SELENOO: variants seen among roughly 807,000 people sequenced by gnomAD.
The protein encoded by SELENOO is protein adenylyltransferase SelO, mitochondrial.
Under a neutral mutation model 58.7 loss-of-function variants are expected in SELENOO, and 74 were observed. The ratio of observed to expected loss-of-function variants is 1.26; its 90% CI spans 1.04 to 1.53. The LOEUF (loss-of-function observed/expected upper bound fraction) is 1.53, where lower values mean the gene tolerates loss of function less well. Among genes scored for constraint, SELENOO ranks in the 40% most tolerant of loss-of-function variants. The pLI, the probability that SELENOO is intolerant of heterozygous loss-of-function variation, is 0.00. For missense variants in SELENOO, 1,149 were observed against 970.0 expected (o/e 1.18, Z -2.45); for synonymous variants, 543 against 453.2 (o/e 1.20, Z -2.52).
At chr22:50,213,147 G>A (rs1280624128) in intron 5 of SELENOO, among the ~76,000 whole-genome samples, 3 of 151,924 alleles carry the variant, frequency 2.0e-5, no homozygotes, top group African/African-American at 4.8e-5. Context: ...TGCAACCTCC[G>A]CCTCCCAGGC....
intron 2 of SELENOO, 66 bp downstream of exon 2, chr22:50,206,586 G>A: frequency 7.1e-7 from 1 of 1,402,186 alleles, no homozygotes; most frequent in Non-Finnish European, 9.7e-7. Flanking sequence ...ATTTGGGCCT[G>A]TGCTGCTAGG....
chr22:50,211,814 C>T (rs1336349917), intron 5 of SELENOO, among the ~76,000 whole-genome samples: 1 of 152,208 alleles, frequency 6.6e-6, no homozygotes, highest in Non-Finnish European at 1.5e-5. Flanking sequence ...AGTGATTCTC[C>T]TGCCTCAGTC....
At chr22:50,215,078 C>T (rs1162520073) in intron 5 of SELENOO, among the ~76,000 whole-genome samples, 2 of 152,112 alleles carry the variant, frequency 1.3e-5, no homozygotes, top group African/African-American at 4.8e-5. Context: ...CTTTGACTCC[C>T]TTCTCATTTT....
In SELENOO at chr22:50,201,408, C is replaced by T; in HGVS notation, c.372C>T (p.Phe124=). The T allele has an allele frequency of 7.5e-7, 1 of 1,339,968 alleles. No homozygotes were observed. The allele number at this position is 1,339,968 out of a possible 1,614,324, so 83.0% of individuals were successfully genotyped here. The change falls in exon 1 of 9, where the codon TTC becomes TTT. Residue 124 remains phenylalanine (F), a synonymous_variant. Transcript: ENST00000380903. ...CCGAGGCCGAGGCCGCGCTGTTCTT[C>T]AGCGGCAACGCGCTCCTGCCGGGCG... ...REAEAEAALF[F]SGNALLPGAE...
At chr22:50,215,665 A>T in intron 5 of SELENOO, 52 bp from the exon 6 acceptor site, 7 of 1,374,332 alleles carry the variant, frequency 5.1e-6, no homozygotes, top group Non-Finnish European at 6.9e-6. Context: ...TGGCACCAGG[A>T]CAGGGACCCT....
At chr22:50,210,511 C>G (rs1462648744) in intron 4 of SELENOO, 120 bp from the exon 5 acceptor site, 7 of 1,470,980 alleles carry the variant, frequency 4.8e-6, no homozygotes, top group Non-Finnish European at 5.6e-6. Context: ...CCCTGTGGGA[C>G]AGGGCCAGAG....
chr22:50,201,558 G>A lies in SELENOO; in HGVS notation c.522G>A (p.Gln174=). Residue 174 remains glutamine (Q), a synonymous_variant, in exon 1 of 9, where the codon CAG becomes CAA. Transcript: ENST00000380903. ...CGACCGGCGAGCGCTGGGAGCTGCA[G>A]CTCAAGGGCGCCGGGCCCACGCCCT... ...CTATGERWEL[Q]LKGAGPTPFS... is the part of the protein sequence containing the mutation. 1 of 1,370,192 alleles carries A rather than the reference G, an allele frequency of 7.3e-7. No individual in the cohort carries two copies. The highest frequency in any genetic ancestry group is 9.5e-7 in the Non-Finnish European group (1 of 1,055,468). 84.9% of individuals were successfully genotyped at this position (1,370,192 alleles called of 1,614,324 possible).
At position 50,201,497 on chromosome 22, in the gene SELENOO, A is replaced by G; in HGVS notation, c.461A>G (p.Asp154Gly). The G allele has an allele frequency of 7.0e-7, 1 of 1,425,100 alleles. No homozygotes were observed. Among genetic ancestry groups the G allele is most frequent in the Admixed American group, 2.6e-5 (1 of 38,724 alleles). 88.3% of individuals were successfully genotyped at this position (1,425,100 alleles called of 1,614,324 possible). Residue 154 changes from aspartate to glycine, a missense_variant, in exon 1 of 9, where the codon GAC becomes GGC. Transcript: ENST00000380903. ...QFGQFAGQLG[D>G]GAAMYLGEVC... ...GGCCAGTTCGCCGGGCAGCTGGGCG[A>G]CGGCGCCGCCATGTACCTGGGCGAG...
At chr22:50,215,898 T>TG in intron 6 of SELENOO, 31 bp downstream of exon 6, 1 of 1,561,790 alleles carries the variant, frequency 6.4e-7, no homozygotes, top group East Asian at 2.3e-5. Flanking sequence ...TCTTTGGATT[T>TG]GTTTCCAGAA....
At chr22:50,211,041 A>G (rs1224369842) in intron 5 of SELENOO, 130 bp downstream of exon 5, 49 of 904,858 alleles carry the variant, frequency 5.4e-5, no homozygotes, top group Non-Finnish European at 7.8e-5. Context: ...TGGCACCCCC[A>G]TTCTACTCTC....
chr22:50,210,787 G>A lies in SELENOO; in HGVS notation c.1227G>A (p.Glu409=), dbSNP rs766785002. ...LELGEAILAE[E]FDAEFQRHYL... ...TGGGGGAGGCCATCCTGGCCGAGGA[G>A]TTTGACGCCGAGTTCCAAAGGCACT... Residue 409 remains glutamate, a synonymous_variant, in exon 5 of 9, where the codon GAG becomes GAA. Transcript: ENST00000380903. 7 of 1,613,828 alleles carry A rather than the reference G, an allele frequency of 4.3e-6. No individual in the cohort carries two copies. Among genetic ancestry groups the A allele is most frequent in the Non-Finnish European group, 5.9e-6 (7 of 1,180,046 alleles).
Position 50,216,736 on chromosome 22 carries a change from G to A in SELENOO, c.1548G>A (p.Leu516=). ...TGCTGGCGCAGTCAAACCCGCAGCT[G>A]TTCGCGCTTATGGGCACCCGGGCAG... is the stretch of plus-strand genomic sequence containing the variant. ...MLMLAQSNPQ[L]FALMGTRAGI... The change falls in exon 7 of 9, where the codon CTG becomes CTA. Residue 516 remains leucine, a synonymous_variant. Transcript: ENST00000380903. The A allele has an allele frequency of 6.2e-7, 1 of 1,605,650 alleles. No individual in the cohort carries two copies. The highest frequency in any genetic ancestry group is 8.5e-7 in the Non-Finnish European group (1 of 1,178,494).
intron 5 of SELENOO, 138 bp from the exon 6 acceptor site, chr22:50,215,579 T>TG (rs2064400129): frequency 1.3e-5 from 6 of 447,930 alleles, no homozygotes; most frequent in South Asian, 1.2e-4. Flanking sequence ...GTGCTGGCGG[T>TG]GGGGGGCGGT....
Position 50,217,237 on chromosome 22 carries a change from T to G in SELENOO, c.1878T>G (p.Pro626=). 1 of 1,611,776 alleles carries G rather than the reference T, an allele frequency of 6.2e-7. No individual in the cohort carries two copies. The change falls in exon 9 of 9, where the codon CCT becomes CCG. Residue 626 remains proline, a synonymous_variant. Coordinates refer to ENST00000380903, the MANE Select transcript of SELENOO (RefSeq NM_031454.2). The part of the protein sequence containing the change: ...VRRVLKLLET[P]YHCEAGAATD... ...GGGTGCTGAAACTACTGGAGACCCC[T>G]TACCACTGCGAGGCGGGGGCCGCCA...
In SELENOO at chr22:50,216,808, G is replaced by T. The variant is rs1337946702; in HGVS notation, c.1620G>T (p.Glu540Asp). Residue 540 changes from glutamate to aspartate, a missense_variant, in exon 7 of 9, where the codon GAG (glutamate) becomes GAT (aspartate). Glu to Asp is a conservative substitution (Grantham distance 45). Transcript: ENST00000380903. ...GTGTGGAGCAGCAGTCTCGGCTGGA[G>T]CAGCTGAGTGCGGCAGAGCTGCAGA... ...LERVEQQSRLEQLSAAELQSR... is the reference protein window; with the variant it reads ...LERVEQQSRLDQLSAAELQSR... 6.2e-7 allele frequency: 1 copy of T among 1,608,650 alleles called. No homozygotes were observed. Among genetic ancestry groups the T allele is most frequent in the African/African-American group, 1.3e-5 (1 of 75,036 alleles).
chr22:50,211,980 G>A (rs1371288326), intron 5 of SELENOO, among the ~76,000 whole-genome samples: 1 of 152,258 alleles, frequency 6.6e-6, no homozygotes, highest in Non-Finnish European at 1.5e-5. Flanking sequence ...TGGGATTATA[G>A]GCGTGAGCCA....
intron 1 of SELENOO, 72 bp from the exon 2 acceptor site, chr22:50,206,245 G>A (rs1382937031): frequency 7.3e-7 from 1 of 1,372,924 alleles, no homozygotes; most frequent in African/African-American, 1.4e-5. Context: ...TCCTTTCCAT[G>A]TGCTGCCCGG....
chr22:50,202,447 C>T (rs960887311), intron 1 of SELENOO, among the ~76,000 whole-genome samples: 7 of 152,156 alleles, frequency 4.6e-5, no homozygotes, highest in African/African-American at 1.4e-4. Context: ...CTGGCTCTCC[C>T]TCCCCACCCC....
chr22:50,213,708 C>T (rs994072801), intron 5 of SELENOO, among the ~76,000 whole-genome samples: 3 of 152,032 alleles, frequency 2.0e-5, no homozygotes, highest in East Asian at 1.9e-4. Flanking sequence ...AGTGCAGTGG[C>T]GCGATCTCAG....
Sources: allele counts gnomAD v4.1 joint callset (sites outside exome capture counted in the v4.1 genomes callset), GRCh38; gene constraint gnomAD v4.1.1; transcripts MANE v1.5; gene names NCBI Gene and HGNC (gene_info 2026-07-23, HGNC 2026-07-21).